CDK18: variants seen among roughly 807,000 people sequenced by gnomAD.
CDK18 encodes cyclin-dependent kinase 18.
Under a neutral mutation model 62.0 loss-of-function variants are expected in CDK18, and 52 were observed. The ratio of observed to expected loss-of-function variants is 0.84; its 90% CI spans 0.67 to 1.06. The LOEUF (loss-of-function observed/expected upper bound fraction) is 1.06. Ranked by LOEUF, CDK18 falls within the 50% of genes least tolerant of loss-of-function variation. The pLI is 0.00. For missense variants in CDK18, 604 were observed against 619.9 expected (o/e 0.97, Z 0.27); for synonymous variants, 237 against 247.0 (o/e 0.96, Z 0.38).
intron 8 of CDK18, 114 bp downstream of exon 8, chr1:205,526,951 C>T (rs751336526): frequency 5.6e-5 from 46 of 820,820 alleles, no homozygotes; most frequent in Admixed American, 1.6e-4. Context: ...TCAGACCTTC[C>T]CACGTAGGAA....
intron 1 of CDK18, among the ~76,000 whole-genome samples, chr1:205,513,461 GC>G (rs1667665047): frequency 6.6e-6 from 1 of 152,168 alleles, no homozygotes; most frequent in Non-Finnish European, 1.5e-5. Flanking sequence ...CTTTAGCTGG[GC>G]CCCCAAAAAA....
rs768330546 is a variant in CDK18, at chr1:205,525,123, T to G, written c.400-16T>G. 6.2e-7 allele frequency: 1 copy of G among 1,600,852 alleles called. No individual in the cohort carries two copies. Among genetic ancestry groups the G allele is most frequent in the South Asian group, 1.1e-5 (1 of 89,930 alleles). ...AGGGCTTCAAGCTCACGGCATTCTA[T>G]GTCTCTCCCTCTCAGTCAGACATTG... On this transcript the variant is annotated splice_polypyrimidine_tract_variant and intron_variant, in intron 4 of 15. Transcript: ENST00000429964.
chr1:205,526,319 G>A, intron 6 of CDK18, 48 bp from the exon 7 acceptor site: 2 of 1,511,080 alleles, frequency 1.3e-6, no homozygotes, highest in Middle Eastern at 1.7e-4. Flanking sequence ...AAGAGGGTAT[G>A]GGGACACATG....
At position 205,528,537 on chromosome 1, in the gene CDK18, G is replaced by A. The variant is rs1480279952; in HGVS notation, c.974+369G>A. ...TATTTTTATGTTAAAATGAACAAGTGTATGATTTGGTGTAAAATGAAAAAT... is the reference window on the plus strand; with the variant it reads ...TATTTTTATGTTAAAATGAACAAGTATATGATTTGGTGTAAAATGAAAAAT... On this transcript the variant is annotated intron_variant, in intron 10 of 15. Coordinates refer to ENST00000429964, the MANE Select transcript of CDK18 (RefSeq NM_212502.3). The surrounding 1 kb of genome is among the most constrained non-coding windows in gnomAD (Gnocchi z 4.2). The A allele has an allele frequency of 4.1e-6, 1 of 246,356 alleles. No homozygotes were observed. Among genetic ancestry groups the A allele is most frequent in the African/African-American group, 2.2e-5 (1 of 44,930 alleles). 15.3% of individuals were successfully genotyped at this position (246,356 alleles called of 1,614,324 possible). A position where few individuals can be genotyped will look rare whatever the true frequency, so the allele number is the denominator to read the frequency against.
chr1:205,505,855 C>T (rs541864225), intron 1 of CDK18, among the ~76,000 whole-genome samples: 11 of 152,228 alleles, frequency 7.2e-5, no homozygotes, highest in Non-Finnish European at 1.3e-4. Flanking sequence ...GTGAGAGGCC[C>T]TGGAACCTCT....
intron 1 of CDK18, among the ~76,000 whole-genome samples, chr1:205,515,073 G>A (rs943016462): frequency 1.3e-5 from 2 of 152,132 alleles, no homozygotes; most frequent in South Asian, 2.1e-4. Flanking sequence ...CTTCTGGGGA[G>A]GGGTGAGAGC....
At chr1:205,507,303 C>T (rs185733267) in intron 1 of CDK18, among the ~76,000 whole-genome samples, 24 of 152,270 alleles carry the variant, frequency 1.6e-4, no homozygotes, top group Admixed American at 4.6e-4. Context: ...CATCCGTTCC[C>T]TCATCTGTAA....
At chr1:205,531,005 C>T (rs549784065) in intron 15 of CDK18, among the ~76,000 whole-genome samples, 4 of 152,222 alleles carry the variant, frequency 2.6e-5, no homozygotes, top group African/African-American at 4.8e-5. Flanking sequence ...CCTGGGAGAA[C>T]GGTACTTTGT....
chr1:205,527,894 G>A lies in CDK18; in HGVS notation c.830G>A (p.Gly277Glu). The A allele has an allele frequency of 6.2e-7, 1 of 1,614,166 alleles. No individual in the cohort carries two copies. Among genetic ancestry groups the A allele is most frequent in the Non-Finnish European group, 8.5e-7 (1 of 1,180,020 alleles). The change falls in exon 9 of 16, where the codon GGG becomes GAG. Residue 277 changes from glycine (G) to glutamate (E), a missense_variant. Gly to Glu is a moderately conservative substitution (Grantham distance 98). Coordinates refer to ENST00000429964, the MANE Select transcript of CDK18 (RefSeq NM_212502.3). This position sits in a 1 kb window ranked among gnomAD's most constrained non-coding sequence, Gnocchi z 4.1. ...CAGAACCTGCTCATCAACGAGAGGG[G>A]GGAGCTGAAGCTGGCCGACTTTGGT... is the stretch of plus-strand genomic sequence containing the variant. ...KPQNLLINER[G>E]ELKLADFGLA... is the part of the protein sequence containing the mutation.
chr1:205,511,804 A>G (rs913537819), intron 1 of CDK18, among the ~76,000 whole-genome samples: 26 of 152,206 alleles, frequency 1.7e-4, no homozygotes, highest in Non-Finnish European at 4.4e-5. Context: ...CTATAATCCT[A>G]GCACTTTGGG....
chr1:205,530,459 G>A, intron 14 of CDK18, 110 bp downstream of exon 14: 2 of 1,258,018 alleles, frequency 1.6e-6, no homozygotes, highest in East Asian at 2.3e-5. Context: ...CCCCAGCAGA[G>A]CAGCCCCGGG....
In CDK18 at chr1:205,517,472, T is replaced by C. The variant is rs964254026; in HGVS notation, c.-21-5675T>C. 1.3e-5 allele frequency among the ~76,000 whole-genome samples: 2 copies of C among 152,140 alleles called. No individual in the cohort carries two copies. The highest frequency in any genetic ancestry group is 2.9e-5 in the Non-Finnish European group (2 of 68,024). ...CATCTTCCCTGTGCCAGTGGTGTGT[T>C]GTGTTGGCTCACCCAGCATGTTTGC... On this transcript the variant is annotated intron_variant, in intron 1 of 15. Transcript: ENST00000429964. The surrounding 1 kb of genome is among the most constrained non-coding windows in gnomAD (Gnocchi z 4.1).
intron 15 of CDK18, among the ~76,000 whole-genome samples, 184 bp from the exon 16 acceptor site, chr1:205,531,160 A>G (rs1037211625): frequency 2.0e-5 from 3 of 152,216 alleles, no homozygotes; most frequent in Non-Finnish European, 4.4e-5. Flanking sequence ...AGGTTAAGTC[A>G]CAAGTTCATG....
chr1:205,514,245 G>A (rs760491501), intron 1 of CDK18, among the ~76,000 whole-genome samples: 8 of 152,206 alleles, frequency 5.3e-5, no homozygotes, highest in Non-Finnish European at 1.2e-4. Flanking sequence ...TAGAGGAGAT[G>A]CAGAGGTCCC....
chr1:205,509,900 C>A (rs1667483313), intron 1 of CDK18, among the ~76,000 whole-genome samples: 1 of 151,834 alleles, frequency 6.6e-6, no homozygotes, highest in Non-Finnish European at 1.5e-5. Flanking sequence ...GCCAACATGG[C>A]GAAACCCCAT....
In CDK18 at chr1:205,517,916, C is replaced by T. The variant is rs370305205; in HGVS notation, c.-21-5231C>T. Among the ~76,000 whole-genome samples, 2 of 152,308 alleles carry T rather than the reference C, an allele frequency of 1.3e-5. No homozygotes were observed. Among genetic ancestry groups the T allele is most frequent in the African/African-American group, 2.4e-5 (1 of 41,560 alleles). ...CATGTCACTCATCCGTTCAAACCCT[C>T]CTTACCCCTCGAGGCCCAACACAGC... On this transcript the variant is annotated intron_variant, in intron 1 of 15. Coordinates refer to ENST00000429964, the MANE Select transcript of CDK18 (RefSeq NM_212502.3). The surrounding 1 kb of genome is among the most constrained non-coding windows in gnomAD (Gnocchi z 4.1).
At chr1:205,511,006 T>A (rs1249822634) in intron 1 of CDK18, among the ~76,000 whole-genome samples, 2 of 152,220 alleles carry the variant, frequency 1.3e-5, no homozygotes, top group African/African-American at 4.8e-5. Context: ...CTCAGCCCTG[T>A]CAATTAGGAG....
Position 205,517,307 on chromosome 1 carries a change from C to T in CDK18, c.-21-5840C>T, listed in dbSNP as rs1422993839. Among the ~76,000 whole-genome samples the T allele has an allele frequency of 6.6e-6, 1 of 152,196 alleles. No individual in the cohort carries two copies. Among genetic ancestry groups the T allele is most frequent in the African/African-American group, 2.4e-5 (1 of 41,456 alleles). ...ATCTGCCAAGAGATGATCCTGCTCCCTGTCTCCTGGCCCTCTTCCATCCTG... is the reference window on the plus strand; with the variant it reads ...ATCTGCCAAGAGATGATCCTGCTCCTTGTCTCCTGGCCCTCTTCCATCCTG... On this transcript the variant is annotated intron_variant, in intron 1 of 15. Coordinates refer to ENST00000429964, the MANE Select transcript of CDK18 (RefSeq NM_212502.3). The surrounding 1 kb of genome is among the most constrained non-coding windows in gnomAD (Gnocchi z 4.1).
intron 1 of CDK18, among the ~76,000 whole-genome samples, chr1:205,515,957 T>C (rs1456331455): frequency 1.3e-5 from 2 of 152,184 alleles, no homozygotes; most frequent in Admixed American, 1.3e-4. Context: ...GCTATCCTCA[T>C]TTCTGGCCAC....
Sources: allele counts gnomAD v4.1 joint callset (sites outside exome capture counted in the v4.1 genomes callset), GRCh38; gene constraint gnomAD v4.1.1; non-coding constraint Gnocchi (gnomAD v3.1); transcripts MANE v1.5; gene names NCBI Gene and HGNC (gene_info 2026-07-23, HGNC 2026-07-21).